The following LINGO2 variants were observed in gnomAD, a reference collection of about 807,000 sequenced individuals.
The protein encoded by LINGO2 is leucine-rich repeat and immunoglobulin-like domain-containing nogo receptor-interacting protein 2.
LINGO2 carries 14 observed loss-of-function variants against 30.6 expected under a neutral mutation model. That is an observed-to-expected ratio of 0.46 (90% CI 0.30 to 0.72). The LOEUF (loss-of-function observed/expected upper bound fraction) is 0.72, where lower values mean the gene tolerates loss of function less well. Ranked by LOEUF, LINGO2 falls within the 30% of genes least tolerant of loss-of-function variation. The pLI, the probability that LINGO2 is intolerant of heterozygous loss-of-function variation, is 0.07. For missense variants in LINGO2, 729 were observed against 751.7 expected (o/e 0.97, Z 0.35); for synonymous variants, 317 against 288.5 (o/e 1.10, Z -1.00).
At chr9:28,447,733 G>A (rs377353388) in intron 2 of LINGO2, among the ~76,000 whole-genome samples, 36 of 152,232 alleles carry the variant, frequency 2.4e-4, no homozygotes, top group East Asian at 1.7e-3. Context: ...AGCTAACATT[G>A]GAGAACTATA....
At chr9:28,020,016 C>T (rs180805976) in intron 4 of LINGO2, among the ~76,000 whole-genome samples, 9 of 152,152 alleles carry the variant, frequency 5.9e-5, no homozygotes, top group South Asian at 2.1e-4. Context: ...GAGAGAAGCC[C>T]GGGAAGATGT....
chr9:28,538,323 T>C (rs1821522199), intron 1 of LINGO2, among the ~76,000 whole-genome samples: 1 of 152,058 alleles, frequency 6.6e-6, no homozygotes, highest in Admixed American at 6.6e-5. Context: ...ACGTCATAAA[T>C]TCAAAATATA....
At chr9:28,639,273 G>A (rs2083803090) in intron 1 of LINGO2, among the ~76,000 whole-genome samples, 1 of 152,144 alleles carries the variant, frequency 6.6e-6, no homozygotes, top group African/African-American at 2.4e-5. Flanking sequence ...GTGTGGTGTG[G>A]TACTGAGAAG....
the LINGO2 span, among the ~76,000 whole-genome samples, chr9:28,838,341 C>T: frequency 6.6e-6 from 1 of 152,114 alleles, no homozygotes; most frequent in African/African-American, 2.4e-5. Context: ...TATAGTTGTT[C>T]TCATACAATA....
chr9:28,835,829 T>A, the LINGO2 span, among the ~76,000 whole-genome samples: 4 of 152,034 alleles, frequency 2.6e-5, no homozygotes, highest in African/African-American at 9.7e-5. Flanking sequence ...GTTAGAAGAG[T>A]CAGATTTTTA....
chr9:29,161,500 T>C, the LINGO2 span, among the ~76,000 whole-genome samples: 65 of 152,214 alleles, frequency 4.3e-4, no homozygotes, highest in African/African-American at 1.5e-3. Flanking sequence ...CTCAAAATTT[T>C]CCTGTAGATA....
At chr9:28,181,004 G>A (rs1828895782) in intron 4 of LINGO2, among the ~76,000 whole-genome samples, 1 of 152,138 alleles carries the variant, frequency 6.6e-6, no homozygotes, top group African/African-American at 2.4e-5. Flanking sequence ...TTGCATCAAC[G>A]TGAGAAAATG....
At chr9:29,208,603 T>C in the LINGO2 span, among the ~76,000 whole-genome samples, 2 of 152,176 alleles carry the variant, frequency 1.3e-5, 1 homozygote, top group South Asian at 4.1e-4. Flanking sequence ...TTAAATATAT[T>C]TTATTTATTC....
chr9:29,052,093 A>G, the LINGO2 span, among the ~76,000 whole-genome samples: 1 of 152,180 alleles, frequency 6.6e-6, no homozygotes, highest in African/African-American at 2.4e-5. Flanking sequence ...ACAAAACCAT[A>G]TAACTGATAT....
At chr9:29,008,943 T>C in the LINGO2 span, among the ~76,000 whole-genome samples, 3 of 152,258 alleles carry the variant, frequency 2.0e-5, no homozygotes, top group Non-Finnish European at 4.4e-5. Context: ...CACATGATTA[T>C]CTCAACAGAT....
At chr9:29,110,147 T>C in the LINGO2 span, among the ~76,000 whole-genome samples, 1 of 152,190 alleles carries the variant, frequency 6.6e-6, no homozygotes, top group East Asian at 1.9e-4. Flanking sequence ...ATTGAGGAAA[T>C]TGGATACTTT....
At chr9:27,986,413 G>A (rs556341775) in intron 5 of LINGO2, among the ~76,000 whole-genome samples, 1 of 151,990 alleles carries the variant, frequency 6.6e-6, no homozygotes, top group East Asian at 1.9e-4. Flanking sequence ...GGCAACGGGA[G>A]GTAAGCTGTC....
intron 4 of LINGO2, among the ~76,000 whole-genome samples, chr9:28,117,590 C>T (rs1826959547): frequency 9.2e-6 from 1 of 108,492 alleles, no homozygotes; most frequent in Non-Finnish European, 1.9e-5. Flanking sequence ...CCCTCTGAGC[C>T]AGGTGTGGGA....
intron 4 of LINGO2, among the ~76,000 whole-genome samples, chr9:28,161,007 T>G (rs1828269798): frequency 6.6e-6 from 1 of 152,172 alleles, no homozygotes. Context: ...TGGTGGAGAC[T>G]TCCCAAAGTG....
the LINGO2 span, among the ~76,000 whole-genome samples, chr9:29,167,567 C>T: frequency 6.6e-6 from 1 of 152,066 alleles, no homozygotes; most frequent in African/African-American, 2.4e-5. Context: ...AGAGACTATA[C>T]ACAAAACCAA....
the LINGO2 span, among the ~76,000 whole-genome samples, chr9:29,024,702 A>G: frequency 6.6e-6 from 1 of 152,118 alleles, no homozygotes; most frequent in Non-Finnish European, 1.5e-5. Flanking sequence ...TGATATTGAA[A>G]TGTGTCTCCT....
chr9:28,692,602 A>G, the LINGO2 span, among the ~76,000 whole-genome samples: 1 of 152,090 alleles, frequency 6.6e-6, no homozygotes, highest in Non-Finnish European at 1.5e-5. Flanking sequence ...AGGTTTTCCT[A>G]TTTTCCTGCC....
At chr9:28,338,113 G>C (rs1420479402) in intron 3 of LINGO2, among the ~76,000 whole-genome samples, 1 of 152,142 alleles carries the variant, frequency 6.6e-6, no homozygotes, top group African/African-American at 2.4e-5. Context: ...AAAGCCACAG[G>C]AACAGAGCTG....
At chr9:28,229,557 A>G (rs1342033891) in intron 4 of LINGO2, among the ~76,000 whole-genome samples, 1 of 151,860 alleles carries the variant, frequency 6.6e-6, no homozygotes, top group African/African-American at 2.4e-5. Flanking sequence ...CAGAAGGCAA[A>G]TAGTTAACAC....
Sources: allele counts gnomAD v4.1 joint callset (sites outside exome capture counted in the v4.1 genomes callset), GRCh38; gene constraint gnomAD v4.1.1; transcripts MANE v1.5; gene names NCBI Gene and HGNC (gene_info 2026-07-23, HGNC 2026-07-21).